Variants in EPHA3 observed in about 807,000 individuals in gnomAD.
The protein encoded by EPHA3 is EPH receptor A3, also known as ephrin type-A receptor 3.
Under a neutral mutation model 107.1 loss-of-function variants are expected in EPHA3, and 42 were observed. That is an observed-to-expected ratio of 0.39 (90% confidence interval 0.31 to 0.51). EPHA3 has a LOEUF of 0.51. Among genes scored for constraint, EPHA3 ranks in the 20% least tolerant of loss-of-function variants. EPHA3 has a pLI of 0.78. For synonymous variants in EPHA3, 461 were observed against 424.8 expected (o/e 1.09, Z -1.05); for missense variants, 1,183 against 1,211.2 (o/e 0.98, Z 0.35).
intron 2 of EPHA3, among the ~76,000 whole-genome samples, chr3:89,208,609 A>AGAAG (rs10600403): frequency 4.1e-5 from 6 of 147,754 alleles, no homozygotes; most frequent in East Asian, 2.0e-4. Context: ...AAGGAAGGAA[A>AGAAG]GAAGGAAGGA....
intron 5 of EPHA3, among the ~76,000 whole-genome samples, chr3:89,388,033 A>C (rs1708656616): frequency 6.6e-6 from 1 of 152,156 alleles, no homozygotes; most frequent in Non-Finnish European, 1.5e-5. Context: ...ATGTCTTAGA[A>C]TATTTTTCTC....
chr3:89,225,947 G>A (rs1032768417), intron 3 of EPHA3, among the ~76,000 whole-genome samples: 1 of 152,132 alleles, frequency 6.6e-6, no homozygotes, highest in African/African-American at 2.4e-5. Context: ...TAAACTCTGA[G>A]TGTTCACAGG....
intron 5 of EPHA3, among the ~76,000 whole-genome samples, chr3:89,381,892 C>T (rs1244983714): frequency 2.6e-5 from 4 of 152,114 alleles, no homozygotes; most frequent in Admixed American, 6.5e-5. Context: ...TCATCTTGAA[C>T]TTGCCAGTCT....
At chr3:89,473,765 C>T (rs948170731) in intron 16 of EPHA3, among the ~76,000 whole-genome samples, 1 of 152,114 alleles carries the variant, frequency 6.6e-6, no homozygotes, top group Non-Finnish European at 1.5e-5. Context: ...AGTCATTTAT[C>T]TTCAAAAGAA....
chr3:89,272,718 T>C (rs1261705071), intron 3 of EPHA3, among the ~76,000 whole-genome samples: 1 of 151,962 alleles, frequency 6.6e-6, no homozygotes, highest in East Asian at 1.9e-4. Context: ...TTACTTACTC[T>C]TTTTCTCTTT....
chr3:89,219,688 G>GTGTTTTTTTTTGTTTTTTTTTGT lies in EPHA3; in HGVS notation c.814+9169_814+9170insGTTTTTTTTTGTTTTTTTTTGTT. On this transcript the variant is annotated intron_variant, in intron 3 of 16. Coordinates refer to ENST00000336596, the MANE Select transcript of EPHA3 (RefSeq NM_005233.6). The stretch of plus-strand genomic sequence containing the variant: ...TTACCTCCAAGAGGCATTTGGCAAT[G>GTGTTTTTTTTTGTTTTTTTTTGT]TTTTTTTTTTTTTTGTTTTTTGTTT... Among the ~76,000 whole-genome samples, 5 of 34,442 alleles carry GTGTTTTTTTTTGTTTTTTTTTGT rather than the reference G, an allele frequency of 1.5e-4. No individual in the cohort carries two copies. In the East Asian group the frequency reaches 4.3e-3, roughly 29 times the overall value. 22.6% of individuals were successfully genotyped at this position (34,442 alleles called of 152,430 possible).
chr3:89,397,566 A>G (rs1306532782), intron 6 of EPHA3, among the ~76,000 whole-genome samples: 2 of 151,496 alleles, frequency 1.3e-5, no homozygotes, highest in African/African-American at 4.9e-5. Flanking sequence ...AACAAATGCA[A>G]CAAGCATCAT....
chr3:89,170,422 C>A (rs1705184860), intron 2 of EPHA3, among the ~76,000 whole-genome samples: 1 of 152,124 alleles, frequency 6.6e-6, no homozygotes, highest in Non-Finnish European at 1.5e-5. Flanking sequence ...GGACCCAAAC[C>A]TTCAAGGACA....
intron 5 of EPHA3, among the ~76,000 whole-genome samples, chr3:89,392,094 A>G (rs1708755426): frequency 1.3e-5 from 2 of 152,088 alleles, no homozygotes; most frequent in Admixed American, 1.3e-4. Context: ...TCTTTCTCTT[A>G]ATAGGGGAAC....
At chr3:89,246,321 T>A (rs978637265) in intron 3 of EPHA3, among the ~76,000 whole-genome samples, 1 of 152,260 alleles carries the variant, frequency 6.6e-6, no homozygotes, top group African/African-American at 2.4e-5. Context: ...CAGGAAAGAA[T>A]AAATAAACAC....
intron 3 of EPHA3, among the ~76,000 whole-genome samples, chr3:89,315,416 C>G (rs753719978): frequency 6.6e-6 from 1 of 151,804 alleles, no homozygotes; most frequent in Non-Finnish European, 1.5e-5. Context: ...AACATGAACA[C>G]TTCAGGGCAC....
chr3:89,395,703 G>T (rs1708834906), intron 5 of EPHA3, 134 bp from the exon 6 acceptor site: 1 of 1,073,350 alleles, frequency 9.3e-7, no homozygotes, highest in Non-Finnish European at 1.3e-6. Context: ...TGGAAATAGT[G>T]CTTTCTTGCC....
chr3:89,434,584 A>G (rs1484663128), intron 13 of EPHA3, among the ~76,000 whole-genome samples: 1 of 152,180 alleles, frequency 6.6e-6, no homozygotes, highest in Non-Finnish European at 1.5e-5. Context: ...AGGATACTCA[A>G]AAGAATAGTT....
chr3:89,250,171 A>T (rs547530962), intron 3 of EPHA3, among the ~76,000 whole-genome samples: 4 of 152,332 alleles, frequency 2.6e-5, no homozygotes, highest in African/African-American at 4.8e-5. Context: ...AGGAAGGTTA[A>T]CTGATGTCAT....
intron 3 of EPHA3, among the ~76,000 whole-genome samples, chr3:89,218,289 C>T (rs1249681367): frequency 8.8e-6 from 1 of 113,148 alleles, no homozygotes; most frequent in Non-Finnish European, 1.8e-5. Context: ...ATCCCTCCCC[C>T]CTCCCCCCAC....
intron 1 of EPHA3, among the ~76,000 whole-genome samples, chr3:89,112,140 A>G (rs1707123899): frequency 6.6e-6 from 1 of 152,088 alleles, no homozygotes; most frequent in African/African-American, 2.4e-5. Context: ...TGTATTTTAT[A>G]TAAAGTTGTC....
At chr3:89,233,615 G>A (rs998671801) in intron 3 of EPHA3, among the ~76,000 whole-genome samples, 19 of 152,168 alleles carry the variant, frequency 1.2e-4, no homozygotes, top group African/African-American at 4.3e-4. Context: ...AGGGGAGAGT[G>A]AAAATTATAT....
chr3:89,199,099 G>A (rs1049123039), intron 2 of EPHA3, among the ~76,000 whole-genome samples: 18 of 152,152 alleles, frequency 1.2e-4, no homozygotes, highest in Admixed American at 6.6e-5. Context: ...TCTATAAAAA[G>A]TAAAGCCATT....
At chr3:89,270,084 A>G (rs1705632270) in intron 3 of EPHA3, among the ~76,000 whole-genome samples, 1 of 151,916 alleles carries the variant, frequency 6.6e-6, no homozygotes, top group South Asian at 2.1e-4. Flanking sequence ...GGCAGGTAGT[A>G]TATCTTCTGT....
Sources: allele counts gnomAD v4.1 joint callset (sites outside exome capture counted in the v4.1 genomes callset), GRCh38; gene constraint gnomAD v4.1.1; transcripts MANE v1.5; gene names NCBI Gene and HGNC (gene_info 2026-07-23, HGNC 2026-07-21).